SOX6: variants seen among roughly 807,000 people sequenced by gnomAD.
The protein encoded by SOX6 is transcription factor SOX-6.
SOX6 carries 11 observed loss-of-function variants against 97.8 expected under a neutral mutation model. The ratio of observed to expected loss-of-function variants is 0.11; its 90% CI spans 0.07 to 0.19. The LOEUF is 0.19. Among genes scored for constraint, SOX6 ranks in the 10% least tolerant of loss-of-function variants. SOX6 has a pLI of 1.00. For missense variants in SOX6, 810 were observed against 1,039.5 expected (o/e 0.78, Z 3.04); for synonymous variants, 360 against 371.4 (o/e 0.97, Z 0.35).
chr11:16,372,696 A>T (rs1857523197), intron 1 of SOX6, among the ~76,000 whole-genome samples: 1 of 152,140 alleles, frequency 6.6e-6, no homozygotes, highest in Non-Finnish European at 1.5e-5. Flanking sequence ...ATTTAAATAA[A>T]AGCAAAGTAA....
intron 7 of SOX6, among the ~76,000 whole-genome samples, chr11:16,097,954 C>T (rs1022407931): frequency 2.6e-5 from 4 of 151,758 alleles, no homozygotes; most frequent in African/African-American, 9.7e-5. Flanking sequence ...CACTCCATTG[C>T]GAATCTTGTA....
At chr11:16,690,282 C>G (rs1044732468) in intron 3 of SOX6, among the ~76,000 whole-genome samples, 1 of 152,182 alleles carries the variant, frequency 6.6e-6, no homozygotes, top group Admixed American at 6.5e-5. Context: ...ATACATCATT[C>G]CTCTCTCTGT....
chr11:16,170,375 A>C (rs962331885), intron 6 of SOX6, among the ~76,000 whole-genome samples: 2 of 152,048 alleles, frequency 1.3e-5, no homozygotes, highest in African/African-American at 4.8e-5. Flanking sequence ...AAAAAAAAAA[A>C]ACCTTTCTAT....
At chr11:16,699,375 G>A (rs1294841864) in intron 3 of SOX6, among the ~76,000 whole-genome samples, 3 of 151,928 alleles carry the variant, frequency 2.0e-5, no homozygotes, top group Non-Finnish European at 2.9e-5. Context: ...AGAACATCAC[G>A]CTGCCACCAA....
chr11:16,612,825 T>C (rs1275330316), intron 3 of SOX6, among the ~76,000 whole-genome samples: 2 of 152,116 alleles, frequency 1.3e-5, no homozygotes, highest in African/African-American at 4.8e-5. Flanking sequence ...CAAGGGCAGC[T>C]GGAATCTGGG....
At chr11:16,375,647 G>T (rs757566461) in intron 1 of SOX6, among the ~76,000 whole-genome samples, 1 of 151,926 alleles carries the variant, frequency 6.6e-6, no homozygotes, top group Non-Finnish European at 1.5e-5. Flanking sequence ...TTAAAGATTT[G>T]ACTAATCCCA....
At chr11:16,030,886 G>C (rs1020598631) in intron 12 of SOX6, among the ~76,000 whole-genome samples, 18 of 152,158 alleles carry the variant, frequency 1.2e-4, no homozygotes, top group Non-Finnish European at 2.4e-4. Flanking sequence ...GCAGCTTTGA[G>C]TCTACCTCAT....
intron 4 of SOX6, among the ~76,000 whole-genome samples, chr11:16,227,291 A>G (rs1852714817): frequency 6.6e-6 from 1 of 152,226 alleles, no homozygotes. Flanking sequence ...GGAGATCATG[A>G]AGATAACATT....
intron 4 of SOX6, among the ~76,000 whole-genome samples, chr11:16,535,470 G>A (rs1037117218): frequency 3.3e-5 from 5 of 152,046 alleles, no homozygotes; most frequent in Non-Finnish European, 5.9e-5. Context: ...CTCAGGAGTT[G>A]AAACCAGCCT....
At chr11:16,075,631 GA>G (rs2133947897) in intron 9 of SOX6, among the ~76,000 whole-genome samples, 1 of 152,134 alleles carries the variant, frequency 6.6e-6, no homozygotes, top group African/African-American at 2.4e-5. Flanking sequence ...ACAGTGAGGG[GA>G]ATATCACACA....
intron 4 of SOX6, among the ~76,000 whole-genome samples, chr11:16,569,275 A>G (rs1227246315): frequency 6.6e-6 from 1 of 152,214 alleles, no homozygotes; most frequent in African/African-American, 2.4e-5. Flanking sequence ...TAGGGATTAT[A>G]TCAAAATTAA....
At chr11:16,206,882 G>C (rs1852085808) in intron 4 of SOX6, among the ~76,000 whole-genome samples, 1 of 152,082 alleles carries the variant, frequency 6.6e-6, no homozygotes, top group South Asian at 2.1e-4. Context: ...TGGTAGATAT[G>C]ATCATGTCAC....
At chr11:16,539,698 T>C (rs1021146908) in intron 4 of SOX6, among the ~76,000 whole-genome samples, 7 of 152,146 alleles carry the variant, frequency 4.6e-5, no homozygotes, top group African/African-American at 1.7e-4. Context: ...AACACCTCTA[T>C]GCAAATAAAC....
chr11:15,997,540 A>G (rs1237400342), intron 13 of SOX6, among the ~76,000 whole-genome samples: 3 of 152,204 alleles, frequency 2.0e-5, no homozygotes, highest in African/African-American at 7.2e-5. Flanking sequence ...AAATCAGACA[A>G]TGTAGCTCAT....
intron 2 of SOX6, 65 bp from the exon 3 acceptor site, chr11:16,318,718 A>C: frequency 7.1e-7 from 1 of 1,415,986 alleles, no homozygotes; most frequent in African/African-American, 1.4e-5. Context: ...CTGGAGAAAA[A>C]AATCCCAAAC....
At chr11:16,216,638 T>C (rs1277478486) in intron 4 of SOX6, among the ~76,000 whole-genome samples, 1 of 151,966 alleles carries the variant, frequency 6.6e-6, no homozygotes. Context: ...TCATAACTCT[T>C]CCCTCTAGTA....
chr11:15,984,039 A>C (rs1485172899), intron 15 of SOX6, among the ~76,000 whole-genome samples: 1 of 152,270 alleles, frequency 6.6e-6, no homozygotes, highest in African/African-American at 2.4e-5. Context: ...CCAATACCTG[A>C]ATTTGAACCT....
intron 7 of SOX6, among the ~76,000 whole-genome samples, chr11:16,109,996 A>G (rs564296133): frequency 6.6e-6 from 1 of 152,166 alleles, no homozygotes; most frequent in East Asian, 1.9e-4. Context: ...TATTGTCCCA[A>G]TTTCTCTGTT....
At chr11:16,100,903 A>C (rs1373964703) in intron 7 of SOX6, among the ~76,000 whole-genome samples, 1 of 151,658 alleles carries the variant, frequency 6.6e-6, no homozygotes, top group African/African-American at 2.4e-5. Flanking sequence ...GAAAGTTTGG[A>C]AGGAGTAGAG....
Sources: gnomAD v4.1 joint callset for allele counts (sites outside exome capture counted in the v4.1 genomes callset) on GRCh38, gnomAD v4.1.1 for gene constraint, MANE v1.5 for transcripts, NCBI Gene and HGNC (gene_info 2026-07-23, HGNC 2026-07-21) for gene names.